TMEM39A: variants seen among roughly 807,000 people sequenced by gnomAD.
TMEM39A encodes transmembrane protein 39A, also known as suppressor of SQST-1 aggregates in rpl-43 mutants.
TMEM39A carries 19 observed loss-of-function variants against 51.9 expected under a neutral mutation model. That is an observed-to-expected ratio of 0.37 (90% CI 0.26 to 0.54). The LOEUF (loss-of-function observed/expected upper bound fraction) is 0.54. Among genes scored for constraint, TMEM39A ranks in the 20% least tolerant of loss-of-function variants. TMEM39A has a pLI of 0.88. For missense variants in TMEM39A, 433 were observed against 590.5 expected (o/e 0.73, Z 2.76); for synonymous variants, 197 against 220.2 (o/e 0.89, Z 0.93).
chr3:119,430,802 T>C lies in TMEM39A; in HGVS notation c.*1179A>G, dbSNP rs547102219. 3 of 152,262 alleles carry C rather than the reference T, an allele frequency of 2.0e-5. No homozygotes were observed. Among genetic ancestry groups the C allele is most frequent in the African/African-American group, 7.2e-5 (3 of 41,568 alleles). The allele number at this position is 152,262 out of a possible 1,614,324, so 9.4% of individuals were successfully genotyped here. A position where few individuals can be genotyped will look rare whatever the true frequency, so the allele number is the denominator to read the frequency against. ...CGACATGATTGGTCTTTTTACTTCA[T>C]AAGTCTTATTTTGTTTCACCAAAAG... On this transcript the variant is annotated 3_prime_UTR_variant, in exon 9 of 9. Transcript: ENST00000319172.
At chr3:119,443,721 G>C (rs2081085779) in intron 5 of TMEM39A, among the ~76,000 whole-genome samples, 1 of 151,996 alleles carries the variant, frequency 6.6e-6, no homozygotes, top group Non-Finnish European at 1.5e-5. Flanking sequence ...TTCAAGACCA[G>C]CCTGGGCAAC....
At chr3:119,436,038 T>G in intron 7 of TMEM39A, 1 of 780,982 alleles carries the variant, frequency 1.3e-6, no homozygotes, top group Non-Finnish European at 1.8e-6. Flanking sequence ...GAAAAATTTC[T>G]AGATGAAATT....
chr3:119,432,258 T>C (rs1346707524), intron 8 of TMEM39A, 44 bp from the exon 9 acceptor site: 2 of 1,376,882 alleles, frequency 1.5e-6, no homozygotes, highest in African/African-American at 2.9e-5. Context: ...CATAGAAAAG[T>C]AATGGCTACA....
At position 119,447,073 on chromosome 3, in the gene TMEM39A, G is replaced by C. The variant is rs367905542; in HGVS notation, c.520C>G (p.Leu174Val). The change falls in exon 5 of 9, where the codon CTC (leucine) becomes GTC (valine). Residue 174 changes from leucine (L) to valine (V), a missense_variant. Physicochemically the swap from Leu to Val is conservative, Grantham distance 32 (BLOSUM62 1). This residue lies in a region of TMEM39A where 170 missense variants were observed against 239.8 expected (regional missense o/e 0.71). Transcript: ENST00000319172. Reference sequence around the variant, plus strand: ...GAATGGCTTCGAAAGAGATTGACGAGGGTCCAACAAAGTACCCATCCACAC... The same window carrying C: ...GAATGGCTTCGAAAGAGATTGACGACGGTCCAACAAAGTACCCATCCACAC... ...TLCGWVLCWT[L>V]VNLFRSHSVL... 110 of 1,614,002 alleles carry C rather than the reference G, an allele frequency of 6.8e-5. No individual in the cohort carries two copies. Among genetic ancestry groups the C allele is most frequent in the Non-Finnish European group, 8.9e-5 (105 of 1,180,016 alleles).
chr3:119,435,070 T>C (rs576779113), intron 7 of TMEM39A, 188 bp from the exon 8 acceptor site: 1 of 975,336 alleles, frequency 1.0e-6, no homozygotes, highest in South Asian at 4.7e-5. Context: ...TTTAACTTCA[T>C]TGCTATATAG....
At chr3:119,453,957 G>A (rs1272202327) in intron 3 of TMEM39A, among the ~76,000 whole-genome samples, 1 of 152,192 alleles carries the variant, frequency 6.6e-6, no homozygotes, top group Non-Finnish European at 1.5e-5. Context: ...TTAAACTGGT[G>A]GTTAGGGAGG....
At chr3:119,462,417 A>G (rs2081350403) in intron 1 of TMEM39A, among the ~76,000 whole-genome samples, 1 of 152,122 alleles carries the variant, frequency 6.6e-6, no homozygotes, top group Non-Finnish European at 1.5e-5. Context: ...AAGATATTAT[A>G]ATCAAATAGA....
chr3:119,458,222 G>A lies in TMEM39A; in HGVS notation c.132C>T (p.Gly44=), dbSNP rs1431605438. 1.2e-6 allele frequency: 2 copies of A among 1,613,978 alleles called. No individual in the cohort carries two copies. Among genetic ancestry groups the A allele is most frequent in the Middle Eastern group, 1.7e-4 (1 of 6,060 alleles). The change falls in exon 3 of 9, where the codon GGC becomes GGT. Residue 44 remains glycine, a synonymous_variant. Transcript: ENST00000319172. The part of the protein sequence containing the change: ...GLRNRNGSAI[G]LPVPPITALI... ...AGGCTGTGATAGGTGGGACTGGAAG[G>A]CCAATAGCACTACCATTCCTGAAAG...
chr3:119,451,830 C>CAAAAAAA (rs10653676), intron 4 of TMEM39A, among the ~76,000 whole-genome samples: 5 of 54,276 alleles, frequency 9.2e-5, no homozygotes, highest in African/African-American at 3.3e-4. Flanking sequence ...AACTCCGTCT[C>CAAAAAAA]AAAAAAAAAA....
chr3:119,436,899 G>A lies in TMEM39A; in HGVS notation c.1004C>T (p.Thr335Met), dbSNP rs114615589. 373 of 1,613,952 alleles carry A rather than the reference G, an allele frequency of 2.3e-4. 1 individual carries two copies. In the African/African-American group the frequency reaches 3.4e-3, roughly 15 times the overall value. The change falls in exon 7 of 9, where the codon ACG becomes ATG. Residue 335 changes from threonine (T) to methionine (M), a missense_variant. Physicochemically the swap from Thr to Met is moderately conservative, Grantham distance 81 (BLOSUM62 -1). Transcript: ENST00000319172. ...ACAGTATTTGGATGGCAACAGTTGC[G>A]TGGTGAGCATGACAAAAGCATTGAT... ...VWINAFVMLT[T>M]QLLPSKYCDL... is the part of the protein sequence containing the mutation.
At chr3:119,435,013 A>G (rs2080949538) in intron 7 of TMEM39A, 131 bp from the exon 8 acceptor site, 1 of 1,412,060 alleles carries the variant, frequency 7.1e-7, no homozygotes, top group Non-Finnish European at 9.4e-7. Flanking sequence ...CTGAAAATAC[A>G]GTAATTCCAT....
chr3:119,448,797 C>T (rs1268005193), intron 4 of TMEM39A, among the ~76,000 whole-genome samples: 1 of 152,128 alleles, frequency 6.6e-6, no homozygotes, highest in Admixed American at 6.6e-5. Context: ...ACTATTTCTG[C>T]CCAATGTCAT....
intron 5 of TMEM39A, 58 bp downstream of exon 5, chr3:119,446,960 C>T (rs887855771): frequency 1.7e-5 from 26 of 1,544,950 alleles, no homozygotes; most frequent in Non-Finnish European, 2.1e-5. Context: ...GTATCGTTTA[C>T]GTGACCGAAA....
intron 5 of TMEM39A, among the ~76,000 whole-genome samples, chr3:119,442,532 T>C (rs1382617428): frequency 6.6e-6 from 1 of 152,214 alleles, no homozygotes; most frequent in African/African-American, 2.4e-5. Context: ...CTGCATTAAA[T>C]AGAGATTCCT....
chr3:119,453,814 A>T (rs1028235075), intron 3 of TMEM39A, among the ~76,000 whole-genome samples: 1 of 152,226 alleles, frequency 6.6e-6, no homozygotes, highest in Non-Finnish European at 1.5e-5. Flanking sequence ...ATCTTCAATA[A>T]ATTTGTTTGG....
At chr3:119,457,683 G>C (rs930588529) in intron 3 of TMEM39A, among the ~76,000 whole-genome samples, 2 of 152,066 alleles carry the variant, frequency 1.3e-5, no homozygotes, top group African/African-American at 4.8e-5. Flanking sequence ...CCATTAAAAG[G>C]GTAGAGTTGT....
In TMEM39A at chr3:119,461,950, T is replaced by A; in HGVS notation, c.113+12A>T. ...GACATTAAAATTATATATAGCCTTATTTTTTCTTTACCTGTTTCTCAAGCC... is the reference window on the plus strand; with the variant it reads ...GACATTAAAATTATATATAGCCTTAATTTTTCTTTACCTGTTTCTCAAGCC... On this transcript the variant is annotated intron_variant, in intron 2 of 8. Transcript: ENST00000319172. 6.2e-7 allele frequency: 1 copy of A among 1,605,838 alleles called. No individual in the cohort carries two copies. Among genetic ancestry groups the A allele is most frequent in the Non-Finnish European group, 8.5e-7 (1 of 1,173,848 alleles).
chr3:119,441,757 C>G (rs1424019377), intron 5 of TMEM39A, among the ~76,000 whole-genome samples: 2 of 152,176 alleles, frequency 1.3e-5, no homozygotes, highest in African/African-American at 4.8e-5. Flanking sequence ...GAAGAAGATG[C>G]CATCTAGACT....
intron 2 of TMEM39A, among the ~76,000 whole-genome samples, chr3:119,461,412 A>G (rs762479363): frequency 6.6e-6 from 1 of 152,262 alleles, no homozygotes; most frequent in African/African-American, 2.4e-5. Context: ...AGACAAGAGA[A>G]AAACTTTTTT....
Sources: allele counts gnomAD v4.1 joint callset (sites outside exome capture counted in the v4.1 genomes callset), GRCh38; gene constraint gnomAD v4.1.1; regional missense constraint gnomAD v4.1.1; transcripts MANE v1.5; gene names NCBI Gene and HGNC (gene_info 2026-07-23, HGNC 2026-07-21).